Variants in RERE observed in about 807,000 individuals in gnomAD.
RERE encodes arginine-glutamic acid dipeptide repeats protein.
A neutral mutation model predicts 146.1 loss-of-function variants in RERE; 40 were observed. That is an observed-to-expected ratio of 0.27 (90% CI 0.21 to 0.36). The LOEUF is 0.36. Among genes scored for constraint, RERE ranks in the 10% least tolerant of loss-of-function variants. The pLI is 1.00. For missense variants in RERE, 1,933 were observed against 2,138.7 expected (o/e 0.90, Z 1.90); for synonymous variants, 1,003 against 866.0 (o/e 1.16, Z -2.78).
intron 1 of RERE, among the ~76,000 whole-genome samples, chr1:8,706,081 C>T (rs1028873006): frequency 5.1e-5 from 7 of 138,402 alleles, no homozygotes; most frequent in Non-Finnish European, 1.1e-4. Flanking sequence ...GCCATGCACT[C>T]CAGGCTGGGT....
At chr1:8,535,537 C>T (rs372735271) in intron 7 of RERE, among the ~76,000 whole-genome samples, 1 of 152,206 alleles carries the variant, frequency 6.6e-6, no homozygotes, top group East Asian at 1.9e-4. Flanking sequence ...TTCTACTCTA[C>T]TTACAAGGAA....
intron 10 of RERE, among the ~76,000 whole-genome samples, chr1:8,491,197 T>G (rs1398365301): frequency 6.7e-6 from 1 of 150,244 alleles, no homozygotes; most frequent in Non-Finnish European, 1.5e-5. Flanking sequence ...TCCCAGAACT[T>G]TGGGAGGCCA....
At chr1:8,520,076 C>T (rs1557669779) in intron 7 of RERE, among the ~76,000 whole-genome samples, 2 of 152,102 alleles carry the variant, frequency 1.3e-5, no homozygotes, top group Non-Finnish European at 2.9e-5. Context: ...AAACTAAAAA[C>T]AAATACAAAT....
intron 8 of RERE, among the ~76,000 whole-genome samples, chr1:8,501,551 C>G (rs1301645171): frequency 8.3e-6 from 1 of 121,168 alleles, no homozygotes. Flanking sequence ...CGCCTCTGCC[C>G]GGTCGCCCCT....
intron 12 of RERE, among the ~76,000 whole-genome samples, chr1:8,376,335 C>T (rs897836464): frequency 8.5e-5 from 13 of 152,208 alleles, no homozygotes; most frequent in African/African-American, 2.9e-4. Context: ...GCCTTCCCAG[C>T]TCAGGGTAGA....
At chr1:8,703,511 G>A (rs925526081) in intron 1 of RERE, among the ~76,000 whole-genome samples, 2 of 151,996 alleles carry the variant, frequency 1.3e-5, no homozygotes, top group African/African-American at 4.8e-5. Context: ...GGCCGCCGCC[G>A]CGGGCGCGCG....
chr1:8,448,195 C>T (rs1265120768), intron 11 of RERE, among the ~76,000 whole-genome samples: 3 of 152,088 alleles, frequency 2.0e-5, no homozygotes, highest in African/African-American at 7.2e-5. Flanking sequence ...TCTTCGATGA[C>T]GTTTCCTATT....
chr1:8,634,361 C>T (rs1031257044), intron 2 of RERE, among the ~76,000 whole-genome samples: 15 of 152,222 alleles, frequency 9.9e-5, no homozygotes, highest in Admixed American at 1.3e-4. Context: ...AAAATCCTTT[C>T]TACTTTTTTT....
chr1:8,722,169 G>C (rs899952461), intron 1 of RERE, among the ~76,000 whole-genome samples: 1 of 152,160 alleles, frequency 6.6e-6, no homozygotes, highest in African/African-American at 2.4e-5. Flanking sequence ...ATCTTTAAAC[G>C]ATATTTGTTG....
intron 4 of RERE, among the ~76,000 whole-genome samples, chr1:8,611,688 A>AAG (rs1477460452): frequency 1.3e-5 from 2 of 152,324 alleles, no homozygotes; most frequent in East Asian, 3.9e-4. Context: ...TCTAGTGAGG[A>AAG]AGAGGATGGG....
chr1:8,779,003 T>C (rs540921040), intron 1 of RERE, among the ~76,000 whole-genome samples: 1 of 151,610 alleles, frequency 6.6e-6, no homozygotes, highest in East Asian at 2.0e-4. Flanking sequence ...TGTACCACCA[T>C]GCCTGGCTAA....
rs138814161 is a variant in RERE at position 8,358,849 on chromosome 1, C to T, written c.3686G>A (p.Arg1229Gln). ...GGTTGGTGGTGGCTCGAAGGATGGC[C>T]GCATGTGGCCAGGACCACTGAGCTG... ...DPQLSGPGHMRPSFEPPPTTI... is the reference protein window; with the variant it reads ...DPQLSGPGHMQPSFEPPPTTI... The change falls in exon 20 of 23, where the codon CGG becomes CAG. Residue 1229 changes from arginine (R) to glutamine (Q), a missense_variant. Physicochemically the swap from Arg to Gln is conservative, Grantham distance 43. This residue lies in a region of RERE where 1,255 missense variants were observed against 1,153.8 expected (regional missense o/e 1.09). Coordinates refer to ENST00000400908, the MANE Select transcript of RERE (RefSeq NM_001042681.2). 28 of 1,601,660 alleles carry T rather than the reference C, an allele frequency of 1.7e-5. No homozygotes were observed. Among genetic ancestry groups the T allele is most frequent in the East Asian group, 4.5e-5 (2 of 44,794 alleles).
intron 1 of RERE, among the ~76,000 whole-genome samples, chr1:8,696,817 G>A (rs1474200277): frequency 1.3e-5 from 2 of 152,088 alleles, no homozygotes; most frequent in African/African-American, 4.8e-5. Flanking sequence ...GGCTGAGGCA[G>A]GAGTATAGCT....
chr1:8,476,256 T>C (rs1644755159), intron 10 of RERE, among the ~76,000 whole-genome samples: 1 of 152,172 alleles, frequency 6.6e-6, no homozygotes, highest in Non-Finnish European at 1.5e-5. Flanking sequence ...AGGTTCAGTA[T>C]GTTTCTCTAG....
intron 1 of RERE, among the ~76,000 whole-genome samples, chr1:8,682,556 G>A (rs1439423659): frequency 6.6e-6 from 1 of 152,156 alleles, no homozygotes; most frequent in African/African-American, 2.4e-5. Flanking sequence ...TGTTTTATGA[G>A]TGTATTTCTT....
At chr1:8,608,513 C>CA (rs574158190) in intron 4 of RERE, among the ~76,000 whole-genome samples, 59 of 151,924 alleles carry the variant, frequency 3.9e-4, no homozygotes, top group African/African-American at 1.0e-3. Flanking sequence ...GTAAAATCAA[C>CA]AAAAAAACCC....
intron 2 of RERE, among the ~76,000 whole-genome samples, chr1:8,631,650 T>C (rs952895811): frequency 6.6e-6 from 1 of 152,192 alleles, no homozygotes; most frequent in Non-Finnish European, 1.5e-5. Flanking sequence ...ATCTCCTTAT[T>C]TTACTCTGAA....
chr1:8,723,460 TG>T (rs1295960779), intron 1 of RERE, among the ~76,000 whole-genome samples: 1 of 152,114 alleles, frequency 6.6e-6, no homozygotes, highest in African/African-American at 2.4e-5. Context: ...CACTAATCAT[TG>T]TTTTTTTTTC....
rs750472822 is a variant in RERE at position 8,369,520 on chromosome 1, A to G, written c.1285-3546T>C. 4.1e-4 allele frequency among the ~76,000 whole-genome samples: 53 copies of G among 129,074 alleles called. No individual in the cohort carries two copies. In the East Asian group the frequency reaches 8.7e-3, roughly 21 times the overall value. 84.7% of individuals were successfully genotyped at this position (129,074 alleles called of 152,430 possible). On this transcript the variant is annotated intron_variant, in intron 12 of 22. Transcript: ENST00000400908. ...TTTCGCCTTTTACTAAAAAAAAAAAAAAAAAAAAAAAAAAAAAGAAGAAAA... is the reference window on the plus strand; with the variant it reads ...TTTCGCCTTTTACTAAAAAAAAAAAGAAAAAAAAAAAAAAAAAGAAGAAAA...
Sources: allele counts gnomAD v4.1 joint callset (sites outside exome capture counted in the v4.1 genomes callset), GRCh38; gene constraint gnomAD v4.1.1; regional missense constraint gnomAD v4.1.1; transcripts MANE v1.5; gene names NCBI Gene and HGNC (gene_info 2026-07-23, HGNC 2026-07-21).